The following TGFBRAP1 variants were observed in gnomAD, a reference collection of about 807,000 sequenced individuals.
TGFBRAP1 encodes the protein transforming growth factor-beta receptor-associated protein 1.
Under a neutral mutation model 83.2 loss-of-function variants are expected in TGFBRAP1, and 20 were observed. The observed-to-expected ratio is 0.24, with a 90% CI of 0.17 to 0.35. The LOEUF is 0.35. Ranked by LOEUF, TGFBRAP1 falls within the 10% of genes least tolerant of loss-of-function variation. The pLI is 1.00. For synonymous variants in TGFBRAP1, 415 were observed against 459.8 expected (o/e 0.90, Z 1.25); for missense variants, 950 against 1,099.4 (o/e 0.86, Z 1.92).
chr2:105,273,418 C>T, intron 9 of TGFBRAP1, 126 bp downstream of exon 9: 2 of 1,332,466 alleles, frequency 1.5e-6, no homozygotes, highest in East Asian at 2.4e-5. Context: ...CGCCATCAGA[C>T]CATCAACAAG....
chr2:105,276,508 C>T (rs535174997), intron 7 of TGFBRAP1, among the ~76,000 whole-genome samples: 33 of 152,282 alleles, frequency 2.2e-4, no homozygotes, highest in Admixed American at 1.2e-3. Context: ...TTTTATGATA[C>T]TAGTTTCTTC....
At chr2:105,261,871 G>A (rs1384735082), downstream of TGFBRAP1, among the ~76,000 whole-genome samples, 5 of 152,290 alleles carry the variant, frequency 3.3e-5, no homozygotes, top group East Asian at 1.9e-4. Context: ...AGCTGGAACC[G>A]GGATTGAGGA....
intron 8 of TGFBRAP1, among the ~76,000 whole-genome samples, chr2:105,274,454 TC>T (rs539843567): frequency 1.2e-3 from 180 of 152,354 alleles, no homozygotes; most frequent in Non-Finnish European, 1.9e-3. Flanking sequence ...TGGATTTGTG[TC>T]CCAGCTCTAC....
intron 1 of TGFBRAP1, among the ~76,000 whole-genome samples, chr2:105,321,611 T>G (rs1230327935): frequency 1.3e-5 from 2 of 152,226 alleles, no homozygotes; most frequent in African/African-American, 2.4e-5. Context: ...CAGATAGCAA[T>G]GTCCATCACA....
chr2:105,313,364 C>A (rs1678752500), intron 1 of TGFBRAP1, among the ~76,000 whole-genome samples: 1 of 152,208 alleles, frequency 6.6e-6, no homozygotes, highest in Non-Finnish European at 1.5e-5. Flanking sequence ...GGAGAGCTGA[C>A]TGGGATGAGT....
intron 5 of TGFBRAP1, among the ~76,000 whole-genome samples, chr2:105,283,758 C>T (rs2104343518): frequency 6.6e-6 from 1 of 152,278 alleles, no homozygotes; most frequent in African/African-American, 2.4e-5. Flanking sequence ...CAATCAACAG[C>T]CCACAAGCAC....
chr2:105,255,179 T>C, the TGFBRAP1 span, among the ~76,000 whole-genome samples: 4 of 152,150 alleles, frequency 2.6e-5, no homozygotes, highest in Admixed American at 2.0e-4. Context: ...CAAAAAGATA[T>C]AGTAACCATA....
At chr2:105,319,686 C>CCG (rs1375086617) in intron 1 of TGFBRAP1, among the ~76,000 whole-genome samples, 1 of 122,284 alleles carries the variant, frequency 8.2e-6, no homozygotes, top group African/African-American at 3.1e-5. Context: ...GAGCAAAACT[C>CCG]TCTCAAAAAA....
intron 3 of TGFBRAP1, 75 bp downstream of exon 3, chr2:105,298,436 C>T: frequency 6.8e-7 from 1 of 1,478,558 alleles, no homozygotes; most frequent in Non-Finnish European, 9.1e-7. Flanking sequence ...GGCCCAGTTC[C>T]TAAATGATAT....
At chr2:105,285,723 C>T (rs1480204189) in intron 4 of TGFBRAP1, among the ~76,000 whole-genome samples, 2 of 152,220 alleles carry the variant, frequency 1.3e-5, no homozygotes, top group African/African-American at 4.8e-5. Flanking sequence ...TTAAAGGACT[C>T]TCAGAAGCAT....
intron 2 of TGFBRAP1, among the ~76,000 whole-genome samples, chr2:105,304,731 C>T (rs1374617396): frequency 1.3e-5 from 2 of 152,154 alleles, no homozygotes; most frequent in African/African-American, 4.8e-5. Flanking sequence ...TGCAGTGAGC[C>T]GAGATGGCAC....
At chr2:105,273,745 A>T (rs41280607) in intron 8 of TGFBRAP1, 55 bp from the exon 9 acceptor site, 1 of 1,583,818 alleles carries the variant, frequency 6.3e-7, no homozygotes, top group Non-Finnish European at 8.6e-7. Flanking sequence ...CCTTTCCTTT[A>T]ACTTTATTTT....
At chr2:105,284,757 T>A (rs1322190648) in intron 4 of TGFBRAP1, among the ~76,000 whole-genome samples, 1 of 152,096 alleles carries the variant, frequency 6.6e-6, no homozygotes, top group Admixed American at 6.5e-5. Context: ...GAACTCACAG[T>A]ACCACCTTTC....
chr2:105,277,927 C>A (rs780349274), intron 6 of TGFBRAP1, among the ~76,000 whole-genome samples: 1 of 152,160 alleles, frequency 6.6e-6, no homozygotes, highest in Non-Finnish European at 1.5e-5. Flanking sequence ...AGGTGTGGGG[C>A]ACACATCTGT....
downstream of TGFBRAP1, among the ~76,000 whole-genome samples, chr2:105,259,711 G>A (rs1573526705): frequency 6.6e-6 from 1 of 152,222 alleles, no homozygotes; most frequent in East Asian, 1.9e-4. Flanking sequence ...GGCAGCAGCT[G>A]CCCTGTCTCT....
chr2:105,260,207 G>A (rs185679756), downstream of TGFBRAP1, among the ~76,000 whole-genome samples: 106 of 152,200 alleles, frequency 7.0e-4, no homozygotes, highest in African/African-American at 2.4e-3. Context: ...TCAGGAGTTC[G>A]AGACCAGCCT....
chr2:105,310,211 C>T (rs1013949831), intron 1 of TGFBRAP1, among the ~76,000 whole-genome samples: 2 of 152,110 alleles, frequency 1.3e-5, no homozygotes, highest in African/African-American at 4.8e-5. Flanking sequence ...ATATAAAATG[C>T]GGACAGCTGG....
chr2:105,290,888 C>T (rs1170142967), intron 4 of TGFBRAP1, among the ~76,000 whole-genome samples: 1 of 152,004 alleles, frequency 6.6e-6, no homozygotes, highest in East Asian at 1.9e-4. Flanking sequence ...TGCCTGTAAT[C>T]CCAACTACTC....
At chr2:105,281,960 T>C (rs530440707) in intron 5 of TGFBRAP1, among the ~76,000 whole-genome samples, 11 of 152,250 alleles carry the variant, frequency 7.2e-5, no homozygotes, top group Admixed American at 7.2e-4. Flanking sequence ...AGTAACCCCC[T>C]GCCCAAAGAA....
Sources: gnomAD v4.1 joint callset for allele counts (sites outside exome capture counted in the v4.1 genomes callset) on GRCh38, gnomAD v4.1.1 for gene constraint, MANE v1.5 for transcripts, NCBI Gene and HGNC (gene_info 2026-07-23, HGNC 2026-07-21) for gene names.